The following SLC13A2 variants were observed in gnomAD, a reference collection of about 807,000 sequenced individuals.
The protein encoded by SLC13A2 is Na(+)-coupled citrate transporter.
Under a neutral mutation model 58.5 loss-of-function variants are expected in SLC13A2, and 40 were observed. The ratio of observed to expected loss-of-function variants is 0.68; its 90% CI spans 0.53 to 0.89. The LOEUF is 0.89. SLC13A2 is among the 40% of genes least tolerant of loss of function. The pLI is 0.00. For missense variants in SLC13A2, 694 were observed against 772.6 expected, an observed-to-expected ratio of 0.90 and a Z score of 1.21; for synonymous variants, 341 against 331.6, an observed-to-expected ratio of 1.03 and a Z score of -0.31.
Position 28,494,552 on chromosome 17 carries a change from T to A in SLC13A2, c.1308+40T>A, listed in dbSNP as rs11568459. Reference sequence around the variant, plus strand: ...GCCCCCTCCTCAGCCTGTGTGAGGGTGTCTCTGTGGCAGGGAGAGAGGGGG... The same window carrying A: ...GCCCCCTCCTCAGCCTGTGTGAGGGAGTCTCTGTGGCAGGGAGAGAGGGGG... On this transcript the variant is annotated intron_variant, in intron 9 of 11. Coordinates refer to ENST00000314669, the MANE Select transcript of SLC13A2 (RefSeq NM_003984.4). This position sits in a 1 kb window ranked among gnomAD's most constrained non-coding sequence, Gnocchi z 4.0. 0.012 allele frequency: 18,691 copies of A among 1,611,922 alleles called. 442 individuals carry two copies. The highest frequency in any genetic ancestry group is 0.094 in the Admixed American group (5,649 of 59,870).
chr17:28,485,568 G>T (rs2068865199), intron 1 of SLC13A2, among the ~76,000 whole-genome samples: 1 of 152,170 alleles, frequency 6.6e-6, no homozygotes, highest in Non-Finnish European at 1.5e-5. Context: ...ACCTGACCCA[G>T]GGGGCCTCTC....
At chr17:28,476,420 A>C (rs949675816) in intron 1 of SLC13A2, among the ~76,000 whole-genome samples, 6 of 151,898 alleles carry the variant, frequency 4.0e-5, no homozygotes, top group Non-Finnish European at 8.8e-5. Context: ...AAAAACAAAC[A>C]AACAAAAAAA....
In SLC13A2 at chr17:28,494,582, G is replaced by T. The variant is rs1170490737; in HGVS notation, c.1308+70G>T. On this transcript the variant is annotated intron_variant, in intron 9 of 11. Coordinates refer to ENST00000314669, the MANE Select transcript of SLC13A2 (RefSeq NM_003984.4). This position sits in a 1 kb window ranked among gnomAD's most constrained non-coding sequence, Gnocchi z 4.0. ...CTGTGGCAGGGAGAGAGGGGGCCCTGCTTCTGTCCCACAGAGGGGAGACCT... is the reference window on the plus strand; with the variant it reads ...CTGTGGCAGGGAGAGAGGGGGCCCTTCTTCTGTCCCACAGAGGGGAGACCT... 3.1e-6 allele frequency: 5 copies of T among 1,600,748 alleles called. No homozygotes were observed. The African/African-American group carries it at 4.0e-5, about 13-fold the overall frequency.
chr17:28,487,075 G>T (rs1237128102), intron 1 of SLC13A2, among the ~76,000 whole-genome samples: 5 of 152,248 alleles, frequency 3.3e-5, no homozygotes, highest in African/African-American at 1.2e-4. Flanking sequence ...TGGGATTACA[G>T]GCGTGAGCCG....
At chr17:28,490,093 G>C (rs1309312949) in intron 2 of SLC13A2, among the ~76,000 whole-genome samples, 1 of 152,148 alleles carries the variant, frequency 6.6e-6, no homozygotes, top group Non-Finnish European at 1.5e-5. Flanking sequence ...GGCCAGCGAG[G>C]TGAAACCTCA....
Position 28,489,195 on chromosome 17 carries a change from G to A in SLC13A2, c.103-19G>A, listed in dbSNP as rs782048901. ...ACACAGGCCCTCTGACAGCTCTGCC[G>A]CTTCTCTCCCACCTGCAGGAGGCCT... On this transcript the variant is annotated intron_variant, in intron 1 of 11. Coordinates refer to ENST00000314669, the MANE Select transcript of SLC13A2 (RefSeq NM_003984.4). 30 of 1,611,386 alleles carry A rather than the reference G, an allele frequency of 1.9e-5. No individual in the cohort carries two copies. The highest frequency in any genetic ancestry group is 1.2e-4 in the Admixed American group (7 of 59,950).
intron 1 of SLC13A2, among the ~76,000 whole-genome samples, chr17:28,482,025 T>C (rs2068794493): frequency 6.6e-6 from 1 of 152,214 alleles, no homozygotes; most frequent in African/African-American, 2.4e-5. Context: ...TTTGTTTGTT[T>C]GTTTGTTTTG....
chr17:28,475,458 T>C (rs1046939505), intron 1 of SLC13A2, among the ~76,000 whole-genome samples: 7 of 152,190 alleles, frequency 4.6e-5, no homozygotes, highest in African/African-American at 1.4e-4. Flanking sequence ...ATCTCCCCCA[T>C]CCACATACGG....
intron 1 of SLC13A2, among the ~76,000 whole-genome samples, chr17:28,482,005 G>GGTTTGTTT (rs372987612): frequency 8.6e-5 from 13 of 151,968 alleles, no homozygotes; most frequent in East Asian, 1.9e-4. Context: ...AAAAGTTAAG[G>GGTTTGTTT]GTTTGTTTGT....
At chr17:28,486,972 A>G (rs995204182) in intron 1 of SLC13A2, among the ~76,000 whole-genome samples, 16 of 151,998 alleles carry the variant, frequency 1.1e-4, no homozygotes, top group African/African-American at 3.4e-4. Flanking sequence ...TAATTCTTGT[A>G]TTTTTAGTAG....
intron 1 of SLC13A2, among the ~76,000 whole-genome samples, chr17:28,475,299 C>T (rs2068652187): frequency 6.6e-6 from 1 of 152,200 alleles, no homozygotes; most frequent in Non-Finnish European, 1.5e-5. Context: ...TGCACCGTAT[C>T]TGGCCCTGCT....
chr17:28,488,712 G>T (rs9914322), intron 1 of SLC13A2, among the ~76,000 whole-genome samples: 15 of 151,830 alleles, frequency 9.9e-5, no homozygotes, highest in African/African-American at 3.6e-4. Context: ...AGGATTGCTA[G>T]AAAGGATGCC....
At chr17:28,481,289 C>G (rs1287949995) in intron 1 of SLC13A2, among the ~76,000 whole-genome samples, 1 of 152,202 alleles carries the variant, frequency 6.6e-6, no homozygotes, top group East Asian at 1.9e-4. Flanking sequence ...ATTCATTGTT[C>G]CCTTTGGCCT....
At chr17:28,490,662 G>A in intron 3 of SLC13A2, 39 bp from the exon 4 acceptor site, 1 of 1,595,038 alleles carries the variant, frequency 6.3e-7, no homozygotes, top group South Asian at 1.1e-5. Flanking sequence ...TCCCTGAAGG[G>A]AAGCTGGAAC....
At chr17:28,489,991 A>T (rs2068970423) in intron 2 of SLC13A2, among the ~76,000 whole-genome samples, 1 of 152,238 alleles carries the variant, frequency 6.6e-6, no homozygotes, top group African/African-American at 2.4e-5. Context: ...TAGATAATCC[A>T]GGCCGGGTGT....
chr17:28,491,382 G>T lies in SLC13A2; in HGVS notation c.575-55G>T, dbSNP rs1258359063. On this transcript the variant is annotated intron_variant, in intron 4 of 11. Coordinates refer to ENST00000314669, the MANE Select transcript of SLC13A2 (RefSeq NM_003984.4). Reference sequence around the variant, plus strand: ...TGGAGGGCCTTGCAGCCCTGGCCCCGTTCCCCAGAGCTGGCCCTGTACCTG... The same window carrying T: ...TGGAGGGCCTTGCAGCCCTGGCCCCTTTCCCCAGAGCTGGCCCTGTACCTG... 2.5e-6 allele frequency: 4 copies of T among 1,591,792 alleles called. No homozygotes were observed. The South Asian group carries it at 4.5e-5, about 18-fold the overall frequency.
At chr17:28,473,878 G>A (rs776921170) in intron 1 of SLC13A2, 64 bp downstream of exon 1, 81 of 1,418,002 alleles carry the variant, frequency 5.7e-5, no homozygotes, top group Non-Finnish European at 7.5e-5. Flanking sequence ...GTCTGGGCCG[G>A]GGTTGGGCAT....
intron 1 of SLC13A2, among the ~76,000 whole-genome samples, chr17:28,474,973 C>T (rs963645682): frequency 3.9e-5 from 6 of 152,200 alleles, no homozygotes; most frequent in African/African-American, 1.4e-4. Flanking sequence ...AGTGGCACAG[C>T]CCCTGGGCCC....
intron 6 of SLC13A2, among the ~76,000 whole-genome samples, chr17:28,492,665 C>A (rs911811002): frequency 6.6e-6 from 1 of 152,376 alleles, no homozygotes; most frequent in African/African-American, 2.4e-5. Context: ...AAATAGATTT[C>A]ATTCCTACTT....
Sources: allele counts gnomAD v4.1 joint callset (sites outside exome capture counted in the v4.1 genomes callset), GRCh38; gene constraint gnomAD v4.1.1; non-coding constraint Gnocchi (gnomAD v3.1); transcripts MANE v1.5; gene names NCBI Gene and HGNC (gene_info 2026-07-23, HGNC 2026-07-21).